Variants in LRRTM4 observed in about 807,000 individuals in gnomAD.
LRRTM4 encodes the protein leucine rich repeat transmembrane neuronal 4.
Under a neutral mutation model 47.6 loss-of-function variants are expected in LRRTM4, and 25 were observed. That is an observed-to-expected ratio of 0.53 (90% CI 0.38 to 0.73). The LOEUF is 0.73. Ranked by LOEUF, LRRTM4 falls within the 30% of genes least tolerant of loss-of-function variation. The pLI is 0.00. For synonymous variants in LRRTM4, 311 were observed against 269.5 expected (o/e 1.15, Z -1.51); for missense variants, 638 against 713.4 (o/e 0.89, Z 1.20).
At chr2:76,991,434 G>GA (rs1201856784) in intron 3 of LRRTM4, among the ~76,000 whole-genome samples, 2 of 151,432 alleles carry the variant, frequency 1.3e-5, no homozygotes, top group Non-Finnish European at 3.0e-5. Context: ...TGCCCAAGTA[G>GA]AAACAACAAA....
chr2:77,134,667 G>A (rs914146530), intron 3 of LRRTM4, among the ~76,000 whole-genome samples: 5 of 151,836 alleles, frequency 3.3e-5, no homozygotes. Context: ...TTACTTTCCT[G>A]TCTATTGTTT....
chr2:77,459,992 G>A (rs1558753754), intron 3 of LRRTM4, among the ~76,000 whole-genome samples: 1 of 150,998 alleles, frequency 6.6e-6, no homozygotes, highest in Non-Finnish European at 1.5e-5. Context: ...CTAAGATCAT[G>A]ATAAAAATGA....
chr2:76,793,528 A>G (rs1221281696), intron 3 of LRRTM4, among the ~76,000 whole-genome samples: 1 of 152,144 alleles, frequency 6.6e-6, no homozygotes, highest in Non-Finnish European at 1.5e-5. Context: ...CTAGGCATCA[A>G]AGAGCTACAT....
intron 3 of LRRTM4, among the ~76,000 whole-genome samples, chr2:76,819,041 G>A (rs1358713208): frequency 1.3e-5 from 2 of 151,668 alleles, no homozygotes; most frequent in Non-Finnish European, 2.9e-5. Flanking sequence ...ATTGAAATAA[G>A]AATATTGCAG....
At chr2:77,393,102 G>A (rs753901837) in intron 3 of LRRTM4, among the ~76,000 whole-genome samples, 8 of 151,892 alleles carry the variant, frequency 5.3e-5, no homozygotes, top group East Asian at 3.9e-4. Flanking sequence ...ACAGCTTTTC[G>A]TAATTCTCTT....
chr2:77,207,893 T>TTTTGGG (rs1674184420), intron 3 of LRRTM4, among the ~76,000 whole-genome samples: 2 of 142,410 alleles, frequency 1.4e-5, no homozygotes, highest in African/African-American at 5.2e-5. Context: ...TTTTTTTTTT[T>TTTTGGG]GTGAGATGTA....
At chr2:77,430,362 T>C (rs1019534562) in intron 3 of LRRTM4, among the ~76,000 whole-genome samples, 1 of 152,204 alleles carries the variant, frequency 6.6e-6, no homozygotes, top group Non-Finnish European at 1.5e-5. Context: ...GCATCTTTCT[T>C]ATTCAATTCT....
At chr2:77,010,717 G>A (rs746066468) in intron 3 of LRRTM4, among the ~76,000 whole-genome samples, 7 of 152,016 alleles carry the variant, frequency 4.6e-5, no homozygotes, top group Non-Finnish European at 8.8e-5. Flanking sequence ...TCTTTTCTCT[G>A]CCCAGGATGT....
chr2:77,228,714 C>A (rs1328617000), intron 3 of LRRTM4, among the ~76,000 whole-genome samples: 1 of 152,192 alleles, frequency 6.6e-6, no homozygotes, highest in Non-Finnish European at 1.5e-5. Context: ...AAAACATATT[C>A]TTATTGTGTC....
At position 77,254,844 on chromosome 2, in the gene LRRTM4, C is replaced by A. The variant is rs560693820; in HGVS notation, c.1551+263474G>T. ...AGAATTTTAAACAATGGTCAAGTAA[C>A]CTGCAGGAATAGAAGTAAAAGCGAA... On this transcript the variant is annotated intron_variant, in intron 3 of 3. Transcript: ENST00000409884. Among the ~76,000 whole-genome samples the A allele has an allele frequency of 4.0e-5, 6 of 148,974 alleles. No homozygotes were observed. The Admixed American group carries it at 4.0e-4, about 10-fold the overall frequency.
At chr2:77,120,706 A>G (rs1227218069) in intron 3 of LRRTM4, among the ~76,000 whole-genome samples, 1 of 151,824 alleles carries the variant, frequency 6.6e-6, no homozygotes, top group East Asian at 1.9e-4. Flanking sequence ...GAAAATACAT[A>G]TATTTTTATA....
intron 3 of LRRTM4, among the ~76,000 whole-genome samples, chr2:77,087,096 C>T (rs72929366): frequency 0.029 from 4,490 of 152,248 alleles, 218 homozygotes; most frequent in African/African-American, 0.1. Flanking sequence ...CAGTGTATAG[C>T]TGCTGATCTT....
chr2:77,412,282 GAAAT>G (rs1674473802), intron 3 of LRRTM4, among the ~76,000 whole-genome samples: 2 of 152,292 alleles, frequency 1.3e-5, no homozygotes, highest in East Asian at 1.9e-4. Flanking sequence ...GATGTCATTT[GAAAT>G]AAATAAACTT....
intron 3 of LRRTM4, among the ~76,000 whole-genome samples, chr2:77,468,009 G>A (rs566016994): frequency 2.5e-4 from 38 of 152,138 alleles, no homozygotes; most frequent in Middle Eastern, 6.8e-3. Context: ...ATGCCACATG[G>A]ATTTCTGTTT....
chr2:77,379,012 T>G (rs1475044208), intron 3 of LRRTM4, among the ~76,000 whole-genome samples: 1 of 152,186 alleles, frequency 6.6e-6, no homozygotes, highest in Non-Finnish European at 1.5e-5. Context: ...TTGTCATTTG[T>G]CCATAATTGC....
At chr2:77,223,713 T>A (rs990562777) in intron 3 of LRRTM4, among the ~76,000 whole-genome samples, 1 of 152,008 alleles carries the variant, frequency 6.6e-6, no homozygotes, top group Non-Finnish European at 1.5e-5. Flanking sequence ...TAAAAGAGGA[T>A]ACAAACAAAT....
At chr2:77,365,530 C>T (rs1316963567) in intron 3 of LRRTM4, among the ~76,000 whole-genome samples, 4 of 151,602 alleles carry the variant, frequency 2.6e-5, no homozygotes, top group Non-Finnish European at 4.4e-5. Context: ...AAGAACTCCA[C>T]GTATGTAGGA....
intron 3 of LRRTM4, among the ~76,000 whole-genome samples, chr2:77,202,451 G>T (rs866512795): frequency 6.6e-6 from 1 of 151,902 alleles, no homozygotes; most frequent in Non-Finnish European, 1.5e-5. Flanking sequence ...AATACTACAC[G>T]CTTTAACGTA....
intron 3 of LRRTM4, among the ~76,000 whole-genome samples, chr2:76,897,579 G>C (rs988942328): frequency 2.6e-5 from 4 of 152,122 alleles, no homozygotes; most frequent in Admixed American, 2.6e-4. Context: ...GTAAGAAGGA[G>C]TCTCAAATCC....
Sources: gnomAD v4.1 joint callset for allele counts (sites outside exome capture counted in the v4.1 genomes callset) on GRCh38, gnomAD v4.1.1 for gene constraint, MANE v1.5 for transcripts, NCBI Gene and HGNC (gene_info 2026-07-23, HGNC 2026-07-21) for gene names.